AOAH: variants seen among roughly 807,000 people sequenced by gnomAD.
The protein encoded by AOAH is acyloxyacyl hydrolase, also known as acyloxyacyl hydrolase (neutrophil).
AOAH carries 64 observed loss-of-function variants against 92.2 expected under a neutral mutation model. The observed-to-expected ratio is 0.69, with a 90% CI of 0.57 to 0.86. AOAH has a LOEUF of 0.86. AOAH is among the 40% of genes least tolerant of loss of function. The pLI is 0.00. For synonymous variants in AOAH, 263 were observed against 254.5 expected (o/e 1.03, Z -0.32); for missense variants, 656 against 694.6 (o/e 0.94, Z 0.62).
intron 13 of AOAH, among the ~76,000 whole-genome samples, chr7:36,554,366 A>G (rs1786520356): frequency 6.6e-6 from 1 of 152,208 alleles, no homozygotes; most frequent in Non-Finnish European, 1.5e-5. Context: ...TACCAGTACC[A>G]TGCTGTTTTG....
In AOAH at chr7:36,670,730, C is replaced by T. The variant is rs996967509; in HGVS notation, c.290+3213G>A. 6.6e-5 allele frequency among the ~76,000 whole-genome samples: 10 copies of T among 152,320 alleles called. No individual in the cohort carries two copies. The East Asian group carries it at 1.4e-3, about 21-fold the overall frequency. On this transcript the variant is annotated intron_variant, in intron 3 of 20. Coordinates refer to ENST00000617537, the MANE Select transcript of AOAH (RefSeq NM_001637.4). ...GACCTCGTGATCCGCCCGCCTTGGC[C>T]TCCCAAAGTGCTGAGATTACAGGCG...
chr7:36,565,420 C>A (rs149794237), intron 13 of AOAH, among the ~76,000 whole-genome samples: 5 of 152,206 alleles, frequency 3.3e-5, no homozygotes, highest in African/African-American at 1.2e-4. Flanking sequence ...CTCTTTTCTG[C>A]GGCTTTTAAA....
chr7:36,570,586 C>T (rs1472186673), intron 13 of AOAH, among the ~76,000 whole-genome samples: 1 of 152,170 alleles, frequency 6.6e-6, no homozygotes, highest in Non-Finnish European at 1.5e-5. Context: ...TACTGTTTTC[C>T]GTAGCAGCTA....
chr7:36,576,119 C>T (rs1032696311), intron 13 of AOAH, among the ~76,000 whole-genome samples: 23 of 152,220 alleles, frequency 1.5e-4, no homozygotes, highest in Non-Finnish European at 2.6e-4. Context: ...AATAGACCGC[C>T]TCCAGGTCCA....
intron 1 of AOAH, among the ~76,000 whole-genome samples, chr7:36,694,146 G>C (rs547176062): frequency 1.3e-5 from 2 of 152,176 alleles, no homozygotes; most frequent in Admixed American, 1.3e-4. Flanking sequence ...TGTGGGGGGA[G>C]TATGCAAAAA....
At chr7:36,601,465 T>C (rs987021065) in intron 11 of AOAH, among the ~76,000 whole-genome samples, 2 of 152,110 alleles carry the variant, frequency 1.3e-5, no homozygotes, top group Admixed American at 6.5e-5. Flanking sequence ...GGGCTCCTTC[T>C]TCATGGGACT....
At chr7:36,723,014 T>C (rs1267318731) in intron 1 of AOAH, among the ~76,000 whole-genome samples, 1 of 146,744 alleles carries the variant, frequency 6.8e-6, no homozygotes, top group Non-Finnish European at 1.5e-5. Context: ...CCTGAGGCCA[T>C]GATTTTGAGG....
intron 12 of AOAH, among the ~76,000 whole-genome samples, chr7:36,589,029 T>A (rs936782702): frequency 4.0e-5 from 6 of 149,012 alleles, no homozygotes; most frequent in Non-Finnish European, 7.4e-5. Flanking sequence ...TTGCTTTTTA[T>A]GATGAATTTT....
chr7:36,548,828 A>G, intron 14 of AOAH, 142 bp from the exon 15 acceptor site: 1 of 632,318 alleles, frequency 1.6e-6, no homozygotes, highest in East Asian at 2.9e-5. Context: ...TCATTCTAGT[A>G]CAGCCAACCA....
chr7:36,518,942 T>C (rs763756172), intron 20 of AOAH, among the ~76,000 whole-genome samples: 1 of 152,168 alleles, frequency 6.6e-6, no homozygotes, highest in Non-Finnish European at 1.5e-5. Context: ...TGACTTTGAT[T>C]CCTTGAATAA....
At chr7:36,653,387 G>C (rs1186042021) in intron 4 of AOAH, among the ~76,000 whole-genome samples, 1 of 152,162 alleles carries the variant, frequency 6.6e-6, no homozygotes, top group Non-Finnish European at 1.5e-5. Context: ...GAATTCCTGA[G>C]GTCAGCTTGT....
At chr7:36,612,174 G>GA (rs35368108) in intron 11 of AOAH, among the ~76,000 whole-genome samples, 66,501 of 151,424 alleles carry the variant, frequency 0.44, 15,108 homozygotes, top group Non-Finnish European at 0.52. Context: ...AGAAAAGTGA[G>GA]AAAAAAAAAG....
At chr7:36,646,768 C>T (rs542014263) in intron 4 of AOAH, among the ~76,000 whole-genome samples, 1 of 152,294 alleles carries the variant, frequency 6.6e-6, no homozygotes, top group South Asian at 2.1e-4. Flanking sequence ...TGAACACTGC[C>T]TCTGTTGTCA....
intron 11 of AOAH, among the ~76,000 whole-genome samples, chr7:36,615,505 C>T (rs1003147201): frequency 3.3e-5 from 5 of 152,176 alleles, no homozygotes; most frequent in Admixed American, 2.0e-4. Context: ...CTTATGGCCA[C>T]AGGAAGCCCC....
rs928745798 is a variant in AOAH at position 36,571,294 on chromosome 7, A to G, written c.1021+5280T>C. 8.5e-5 allele frequency among the ~76,000 whole-genome samples: 13 copies of G among 152,242 alleles called. No individual in the cohort carries two copies. In the South Asian group the frequency reaches 1.0e-3, roughly 12 times the overall value. On this transcript the variant is annotated intron_variant, in intron 13 of 20. Transcript: ENST00000617537. ...TGCCAGAGCCGTTTGCTGATGGTCT[A>G]TCCCCCAAAGGGAGGGCATTTTTTG... is the stretch of plus-strand genomic sequence containing the variant.
chr7:36,720,670 C>T (rs1304727634), intron 1 of AOAH, among the ~76,000 whole-genome samples: 3 of 152,178 alleles, frequency 2.0e-5, no homozygotes, highest in African/African-American at 7.2e-5. Flanking sequence ...GGGCCCAGTT[C>T]AACATTCATT....
intron 11 of AOAH, among the ~76,000 whole-genome samples, chr7:36,608,656 T>C (rs1293576857): frequency 6.6e-6 from 1 of 152,198 alleles, no homozygotes; most frequent in Non-Finnish European, 1.5e-5. Flanking sequence ...TTTGAGTCAA[T>C]GTCCGAGACT....
intron 19 of AOAH, among the ~76,000 whole-genome samples, chr7:36,524,325 G>A (rs1784271233): frequency 6.6e-6 from 1 of 151,758 alleles, no homozygotes; most frequent in Non-Finnish European, 1.5e-5. Flanking sequence ...CGTGAAGATG[G>A]AGCCCCCATC....
intron 16 of AOAH, among the ~76,000 whole-genome samples, chr7:36,537,519 T>TG (rs199716618): frequency 0.015 from 2,251 of 147,586 alleles, 70 homozygotes; most frequent in East Asian, 0.15. Context: ...TTTTTTTTTT[T>TG]TTTGTTTGTT....
Sources: allele counts gnomAD v4.1 joint callset (sites outside exome capture counted in the v4.1 genomes callset), GRCh38; gene constraint gnomAD v4.1.1; transcripts MANE v1.5; gene names NCBI Gene and HGNC (gene_info 2026-07-23, HGNC 2026-07-21).